The following ETFB variants were observed in gnomAD, a reference collection of about 807,000 sequenced individuals.
The protein encoded by ETFB is electron transfer flavoprotein subunit beta.
A neutral mutation model predicts 25.6 loss-of-function variants in ETFB; 20 were observed. The ratio of observed to expected loss-of-function variants is 0.78; its 90% CI spans 0.55 to 1.14. The LOEUF (loss-of-function observed/expected upper bound fraction) is 1.14, where lower values mean the gene tolerates loss of function less well. Among genes scored for constraint, ETFB ranks in the 50% most tolerant of loss-of-function variants. The pLI is 0.00. For synonymous variants in ETFB, 142 were observed against 146.7 expected (o/e 0.97, Z 0.23); for missense variants, 286 against 342.6 (o/e 0.83, Z 1.30).
intron 5 of ETFB, 31 bp downstream of exon 5, chr19:51,346,858 TGCCACCCCCAG>T (rs1459380675): frequency 6.5e-7 from 1 of 1,534,088 alleles, no homozygotes; most frequent in Non-Finnish European, 8.8e-7. Context: ...GCAATGTGCT[TGCCACCCCCAG>T]GCCCTCAGTG....
Position 51,366,296 on chromosome 19 carries a change from T to G in ETFB, c.31A>C (p.Lys11Gln). 1 of 1,613,734 alleles carries G rather than the reference T, an allele frequency of 6.2e-7. No homozygotes were observed. Among genetic ancestry groups the G allele is most frequent in the African/African-American group, 1.3e-5 (1 of 74,930 alleles). Residue 11 changes from lysine (K) to glutamine (Q), a missense_variant, in exon 1 of 6, where the codon AAG becomes CAG. Transcript: ENST00000309244. Reference sequence around the variant, plus strand: ...TTCACGGCGTAGTCGATGACCCTCTTGACAGCTACGAGCACGCGCAGCTCC... The same window carrying G: ...TTCACGGCGTAGTCGATGACCCTCTGGACAGCTACGAGCACGCGCAGCTCC... MAELRVLVAV[K>Q]RVIDYAVKIR...
chr19:51,354,493 C>A lies in ETFB; in HGVS notation c.58-185G>T, dbSNP rs1340658732. 3 of 1,614,180 alleles carry A rather than the reference C, an allele frequency of 1.9e-6. No individual in the cohort carries two copies. In the South Asian group the frequency reaches 3.3e-5, roughly 18 times the overall value. ...AGAGTTTGTAGGCAGGGGCAGGTCA[C>A]CCTGTCTCCTTCTCTCATCCAGCCA... is the stretch of plus-strand genomic sequence containing the variant. On this transcript the variant is annotated intron_variant, in intron 1 of 5. Coordinates refer to ENST00000309244, the MANE Select transcript of ETFB (RefSeq NM_001985.3).
chr19:51,362,818 A>T (rs1186259772), intron 1 of ETFB, among the ~76,000 whole-genome samples: 1 of 152,152 alleles, frequency 6.6e-6, no homozygotes, highest in Non-Finnish European at 1.5e-5. Context: ...GGAAGCAGTG[A>T]CCACATCAAA....
chr19:51,361,331 G>A (rs1268818767), intron 1 of ETFB, among the ~76,000 whole-genome samples: 1 of 152,170 alleles, frequency 6.6e-6, no homozygotes, highest in Non-Finnish European at 1.5e-5. Context: ...TCTGTCAAGC[G>A]AGTCCCTGGG....
At chr19:51,362,213 T>G (rs1986251571) in intron 1 of ETFB, among the ~76,000 whole-genome samples, 1 of 146,912 alleles carries the variant, frequency 6.8e-6, no homozygotes, top group African/African-American at 2.5e-5. Flanking sequence ...ACGAATACAC[T>G]CTGAGCACAG....
At position 51,355,940 on chromosome 19, in the gene ETFB, CGTG is replaced by C. The variant is rs1353408846; in HGVS notation, c.58-1635_58-1633del. On this transcript the variant is annotated intron_variant, in intron 1 of 5. Coordinates refer to ENST00000309244, the MANE Select transcript of ETFB (RefSeq NM_001985.3). ...GGGAACATCACACACCGGGGACTGT[CGTG>C]GGGTGGGGGGAGGGGGGAGGGATAG... The C allele has an allele frequency of 5.9e-4, 45 of 75,666 alleles. 5 individuals carry two copies. The East Asian group carries it at 0.01, about 17-fold the overall frequency. 4.7% of individuals were successfully genotyped at this position (75,666 alleles called of 1,614,324 possible).
intron 1 of ETFB, among the ~76,000 whole-genome samples, chr19:51,362,461 C>G (rs1291744176): frequency 6.6e-6 from 1 of 152,052 alleles, no homozygotes. Context: ...ACGTGTAATC[C>G]CAGCTACTCA....
chr19:51,362,752 G>A (rs1986262579), intron 1 of ETFB, among the ~76,000 whole-genome samples: 1 of 152,178 alleles, frequency 6.6e-6, no homozygotes. Context: ...GTGGACGCAG[G>A]CGCTGGGCTT....
chr19:51,352,048 C>T (rs1212794293), intron 3 of ETFB, among the ~76,000 whole-genome samples: 1 of 152,010 alleles, frequency 6.6e-6, no homozygotes, highest in African/African-American at 2.4e-5. Context: ...TACCCCTGAG[C>T]AGAGGTGGTG....
chr19:51,365,669 A>C, intron 1 of ETFB: 1 of 159,366 alleles, frequency 6.3e-6, no homozygotes, highest in Admixed American at 5.9e-5. Context: ...TCTTTCATGG[A>C]GAATGTGAGC....
In ETFB at chr19:51,353,240, C is replaced by T. The variant is rs984710058; in HGVS notation, c.267G>A (p.Val89=). The change falls in exon 3 of 6, where the codon GTG becomes GTA. Residue 89 remains valine (V), a synonymous_variant. Coordinates refer to ENST00000309244, the MANE Select transcript of ETFB (RefSeq NM_001985.3). ...GTTCTGCTTCTGCTGGGGGCACCTC[C>T]ACGTGGATACCTCGGTCTGCACCCA... ...LAMGADRGIH[V]EVPPAEAERL... is the part of the protein sequence containing the mutation. 9.3e-6 allele frequency: 15 copies of T among 1,614,084 alleles called. No individual in the cohort carries two copies. Among genetic ancestry groups the T allele is most frequent in the Non-Finnish European group, 1.3e-5 (15 of 1,179,996 alleles).
chr19:51,363,227 G>A (rs987977386), intron 1 of ETFB, among the ~76,000 whole-genome samples: 1 of 152,092 alleles, frequency 6.6e-6, no homozygotes, highest in Non-Finnish European at 1.5e-5. Context: ...GAACAGAGGT[G>A]GATCAGACAT....
At chr19:51,361,733 C>T (rs1986235730) in intron 1 of ETFB, 1 of 119,980 alleles carries the variant, frequency 8.3e-6, no homozygotes, top group East Asian at 2.5e-4. Context: ...GAGACGGAGT[C>T]TCCCTCTGTC....
chr19:51,348,050 G>C (rs890160382), intron 4 of ETFB: 1 of 152,212 alleles, frequency 6.6e-6, no homozygotes, highest in Admixed American at 6.5e-5. Context: ...CCATCCAGTA[G>C]CCACTGGCTG....
chr19:51,358,523 G>A (rs1319555230), intron 1 of ETFB, among the ~76,000 whole-genome samples: 1 of 152,094 alleles, frequency 6.6e-6, no homozygotes, highest in Non-Finnish European at 1.5e-5. Flanking sequence ...AAACAGCTGG[G>A]CGTGGTGGCT....
chr19:51,354,577 A>G, intron 1 of ETFB: 1 of 1,614,204 alleles, frequency 6.2e-7, no homozygotes, highest in East Asian at 2.2e-5. Flanking sequence ...TGCTCCTCTC[A>G]GGCCTGAAAG....
chr19:51,354,786 C>A (rs78611945), intron 1 of ETFB: 123 of 849,974 alleles, frequency 1.4e-4, no homozygotes, highest in Non-Finnish European at 2.1e-4. Flanking sequence ...CTACAGGCAA[C>A]AATAGAGCAG....
At chr19:51,362,244 A>C (rs1250097578) in intron 1 of ETFB, among the ~76,000 whole-genome samples, 1 of 151,882 alleles carries the variant, frequency 6.6e-6, no homozygotes, top group Non-Finnish European at 1.5e-5. Context: ...GTTTTGAATA[A>C]ATGACTAACT....
intron 1 of ETFB, 24 bp from the exon 2 acceptor site, chr19:51,354,332 T>C: frequency 6.2e-7 from 1 of 1,613,300 alleles, no homozygotes; most frequent in Non-Finnish European, 8.5e-7. Context: ...GGGGAAGGGG[T>C]GGGGTCAGGA....
Sources: gnomAD v4.1 joint callset for allele counts (sites outside exome capture counted in the v4.1 genomes callset) on GRCh38, gnomAD v4.1.1 for gene constraint, MANE v1.5 for transcripts, NCBI Gene and HGNC (gene_info 2026-07-23, HGNC 2026-07-21) for gene names.